Variants in OCM observed in about 807,000 individuals in gnomAD.
The protein encoded by OCM is oncomodulin-1.
Under a neutral mutation model 14.1 loss-of-function variants are expected in OCM, and 18 were observed. The ratio of observed to expected loss-of-function variants is 1.28; its 90% CI spans 0.88 to 1.89. OCM has a LOEUF of 1.89. OCM is among the 40% of genes most tolerant of loss of function. The pLI, the probability that OCM is intolerant of heterozygous loss-of-function variation, is 0.00. For missense variants in OCM, 140 were observed against 137.6 expected (o/e 1.02, Z -0.09); for synonymous variants, 48 against 51.0 (o/e 0.94, Z 0.25).
At chr7:5,866,136 C>A in the OCM span, among the ~76,000 whole-genome samples, 2 of 150,130 alleles carry the variant, frequency 1.3e-5, no homozygotes, top group Middle Eastern at 3.4e-3. Context: ...GCCTGGGCAA[C>A]ATAGCAAAAC....
At chr7:5,876,658 G>T (rs1039695676), upstream of OCM, among the ~76,000 whole-genome samples, 10 of 152,190 alleles carry the variant, frequency 6.6e-5, no homozygotes, top group Admixed American at 2.0e-4. Flanking sequence ...GAGGCTGCAG[G>T]TATCCCTGAG....
upstream of OCM, among the ~76,000 whole-genome samples, chr7:5,876,363 C>T (rs757771647): frequency 6.6e-6 from 1 of 152,036 alleles, no homozygotes; most frequent in African/African-American, 2.4e-5. Context: ...GTTGTCCAGG[C>T]TAGTCTTAAA....
chr7:5,860,513 C>CGT, the OCM span, among the ~76,000 whole-genome samples: 4 of 121,772 alleles, frequency 3.3e-5, 1 homozygote, highest in East Asian at 1.0e-3. Context: ...CGTATATATA[C>CGT]GTGTATATAT....
the OCM span, among the ~76,000 whole-genome samples, chr7:5,863,918 G>C: frequency 6.6e-6 from 1 of 152,172 alleles, no homozygotes; most frequent in South Asian, 2.1e-4. Context: ...AGGGAACCTG[G>C]GGACACTCTC....
chr7:5,862,383 C>G, the OCM span, among the ~76,000 whole-genome samples: 1 of 151,998 alleles, frequency 6.6e-6, no homozygotes, highest in South Asian at 2.1e-4. Flanking sequence ...CCAGATGGCT[C>G]CCTCACAAGT....
intron 2 of OCM, among the ~76,000 whole-genome samples, chr7:5,883,035 G>A (rs1781253495): frequency 6.6e-6 from 1 of 151,894 alleles, no homozygotes; most frequent in Non-Finnish European, 1.5e-5. Flanking sequence ...TAGAGATGGG[G>A]CTTCACTATG....
upstream of OCM, among the ~76,000 whole-genome samples, chr7:5,876,624 G>A (rs549074261): frequency 9.2e-5 from 14 of 152,278 alleles, no homozygotes; most frequent in Admixed American, 2.6e-4. Context: ...GTAGGGTGTC[G>A]GCTGGAGGTT....
In OCM at chr7:5,880,817, T is replaced by C. The variant is rs1429829548; in HGVS notation, c.-73T>C. ...CAGTTTCAGTGGGCCTGGGAAGATGTGTTTCCCCTGGATGTGCACATTCCT... is the reference window on the plus strand; with the variant it reads ...CAGTTTCAGTGGGCCTGGGAAGATGCGTTTCCCCTGGATGTGCACATTCCT... On this transcript the variant is annotated 5_prime_UTR_variant, in exon 1 of 4. Transcript: ENST00000242104. 4.9e-6 allele frequency: 7 copies of C among 1,417,980 alleles called. No homozygotes were observed. The African/African-American group carries it at 9.9e-5, about 20-fold the overall frequency. 87.8% of individuals were successfully genotyped at this position (1,417,980 alleles called of 1,614,324 possible). A position where few individuals can be genotyped will look rare whatever the true frequency, so the allele number is the denominator to read the frequency against.
At chr7:5,861,240 G>A in the OCM span, among the ~76,000 whole-genome samples, 2 of 151,992 alleles carry the variant, frequency 1.3e-5, no homozygotes, top group Non-Finnish European at 2.9e-5. Flanking sequence ...TGGCCAACAC[G>A]GTGAAACCCC....
intron 2 of OCM, 111 bp downstream of exon 2, chr7:5,882,736 A>G (rs1781245400): frequency 7.6e-7 from 1 of 1,319,766 alleles, no homozygotes; most frequent in Non-Finnish European, 1.0e-6. Context: ...GGTGTTGGTC[A>G]TTCGGCCAAG....
the OCM span, among the ~76,000 whole-genome samples, chr7:5,874,518 T>C: frequency 6.6e-6 from 1 of 152,078 alleles, no homozygotes; most frequent in Non-Finnish European, 1.5e-5. Context: ...TTTTTTTTCT[T>C]TGGAGAGACA....
At chr7:5,859,731 CTTG>C in the OCM span, among the ~76,000 whole-genome samples, 9 of 151,558 alleles carry the variant, frequency 5.9e-5, no homozygotes, top group Non-Finnish European at 1.3e-4. Flanking sequence ...CAGTTTCGTT[CTTG>C]TTGTCCAGGC....
At chr7:5,873,997 C>T in the OCM span, among the ~76,000 whole-genome samples, 1 of 150,866 alleles carries the variant, frequency 6.6e-6, no homozygotes, top group South Asian at 2.1e-4. Context: ...GGGCGGACTA[C>T]TTGAGGTCAG....
At chr7:5,867,796 A>G in the OCM span, among the ~76,000 whole-genome samples, 1 of 151,704 alleles carries the variant, frequency 6.6e-6, no homozygotes, top group Non-Finnish European at 1.5e-5. Flanking sequence ...GGGTCTTGCT[A>G]TGTTGCCCAG....
chr7:5,880,813 G>C lies in OCM; in HGVS notation c.-77G>C. Reference sequence around the variant, plus strand: ...CATACAGTTTCAGTGGGCCTGGGAAGATGTGTTTCCCCTGGATGTGCACAT... The same window carrying C: ...CATACAGTTTCAGTGGGCCTGGGAACATGTGTTTCCCCTGGATGTGCACAT... On this transcript the variant is annotated 5_prime_UTR_variant, in exon 1 of 4. Coordinates refer to ENST00000242104, the MANE Select transcript of OCM (RefSeq NM_001097622.2). 7.3e-7 allele frequency: 1 copy of C among 1,365,814 alleles called. No homozygotes were observed. The highest frequency in any genetic ancestry group is 1.0e-6 in the Non-Finnish European group (1 of 957,552). The allele number at this position is 1,365,814 out of a possible 1,614,324, so 84.6% of individuals were successfully genotyped here.
At chr7:5,870,336 C>T in the OCM span, among the ~76,000 whole-genome samples, 1 of 152,070 alleles carries the variant, frequency 6.6e-6, no homozygotes, top group African/African-American at 2.4e-5. Context: ...GGTCTCAAAC[C>T]CCTGGGCTCA....
At chr7:5,871,736 T>G in the OCM span, 1 of 151,980 alleles carries the variant, frequency 6.6e-6, no homozygotes, top group East Asian at 1.9e-4. Flanking sequence ...TTTCCTTTTT[T>G]CTTTCTTTTT....
the OCM span, among the ~76,000 whole-genome samples, chr7:5,864,291 G>A: frequency 1.2e-4 from 18 of 151,228 alleles, no homozygotes; most frequent in Non-Finnish European, 2.2e-4. Context: ...AGGCTGCGGT[G>A]AGCTGTGATC....
chr7:5,886,309 T>A lies in OCM; in HGVS notation c.*220T>A. 1.9e-6 allele frequency: 1 copy of A among 538,106 alleles called. No individual in the cohort carries two copies. Among genetic ancestry groups the A allele is most frequent in the South Asian group, 2.8e-5 (1 of 35,738 alleles). 33.3% of individuals were successfully genotyped at this position (538,106 alleles called of 1,614,324 possible). A position where few individuals can be genotyped will look rare whatever the true frequency, so the allele number is the denominator to read the frequency against. On this transcript the variant is annotated 3_prime_UTR_variant, in exon 4 of 4. Transcript: ENST00000242104. ...CCTGACAACTTCTGTAAGCCCCCCT[T>A]CCCCCAACAGGCAATGCCTCTAAAA...
Sources: gnomAD v4.1 joint callset for allele counts (sites outside exome capture counted in the v4.1 genomes callset) on GRCh38, gnomAD v4.1.1 for gene constraint, MANE v1.5 for transcripts, NCBI Gene and HGNC (gene_info 2026-07-23, HGNC 2026-07-21) for gene names.